MED26: variants seen among roughly 807,000 people sequenced by gnomAD.
The protein encoded by MED26 is mediator of RNA polymerase II transcription subunit 26.
MED26 carries 7 observed loss-of-function variants against 43.7 expected under a neutral mutation model. The observed-to-expected ratio is 0.16, with a 90% CI of 0.09 to 0.30. The LOEUF is 0.30. Among genes scored for constraint, MED26 ranks in the 10% least tolerant of loss-of-function variants. The pLI is 1.00. For synonymous variants in MED26, 375 were observed against 371.1 expected (o/e 1.01, Z -0.12); for missense variants, 784 against 840.6 (o/e 0.93, Z 0.83).
At chr19:16,595,811 T>C (rs1449991535) in intron 1 of MED26, among the ~76,000 whole-genome samples, 2 of 152,238 alleles carry the variant, frequency 1.3e-5, no homozygotes, top group Non-Finnish European at 2.9e-5. Flanking sequence ...TCTATTAATG[T>C]ATCATAATTC....
intron 2 of MED26, 41 bp downstream of exon 2, chr19:16,578,294 C>A: frequency 4.4e-6 from 7 of 1,582,786 alleles, no homozygotes; most frequent in Non-Finnish European, 6.1e-6. Context: ...TCCCCTGCCC[C>A]CCGTTCTGCC....
At chr19:16,606,092 C>T (rs114826815) in intron 1 of MED26, among the ~76,000 whole-genome samples, 3,676 of 152,310 alleles carry the variant, frequency 0.024, 54 homozygotes, top group Middle Eastern at 0.044. Context: ...AGCTCTACCT[C>T]GCCCTTAGCG....
intron 1 of MED26, among the ~76,000 whole-genome samples, chr19:16,627,224 C>T: frequency 6.6e-6 from 1 of 152,186 alleles, no homozygotes; most frequent in East Asian, 1.9e-4. Context: ...AAGGATCCCA[C>T]CCTCCCCGAG....
At chr19:16,609,941 T>TAAAAAAAAAAA (rs869040520) in intron 1 of MED26, among the ~76,000 whole-genome samples, 46 of 84,674 alleles carry the variant, frequency 5.4e-4, no homozygotes, top group African/African-American at 2.1e-3. Context: ...AAGCACTCTT[T>TAAAAAAAAAAA]AAAAAAAAAA....
At position 16,577,835 on chromosome 19, in the gene MED26, T is replaced by C; in HGVS notation, c.148-153A>G. 1 of 578,724 alleles carries C rather than the reference T, an allele frequency of 1.7e-6. No homozygotes were observed. The highest frequency in any genetic ancestry group is 2.4e-5 in the South Asian group (1 of 41,202). 35.8% of individuals were successfully genotyped at this position (578,724 alleles called of 1,614,324 possible). A position where few individuals can be genotyped will look rare whatever the true frequency, so the allele number is the denominator to read the frequency against. On this transcript the variant is annotated intron_variant, in intron 2 of 2. Transcript: ENST00000263390. The surrounding 1 kb of genome is among the most constrained non-coding windows in gnomAD (Gnocchi z 8.1). The stretch of plus-strand genomic sequence containing the variant: ...TTCCCTGACACAAAACTTCTGGGGA[T>C]TTCCGGTCCTTTGTGACAATATAAA...
intron 1 of MED26, among the ~76,000 whole-genome samples, chr19:16,585,742 G>A (rs182125844): frequency 2.6e-4 from 39 of 152,304 alleles, no homozygotes; most frequent in African/African-American, 7.0e-4. Context: ...ACCCACCTAC[G>A]ACAGGGTGCG....
chr19:16,576,499 C>G lies in MED26; in HGVS notation c.1331G>C (p.Arg444Pro), dbSNP rs747945163. 5 of 1,614,168 alleles carry G rather than the reference C, an allele frequency of 3.1e-6. No homozygotes were observed. Among genetic ancestry groups the G allele is most frequent in the Non-Finnish European group, 4.2e-6 (5 of 1,180,048 alleles). Reference protein sequence around the residue: ...IKPLTQKEPVRADSPVHMEQQ... With the variant: ...IKPLTQKEPVPADSPVHMEQQ... ...CTCCATGTGCACAGGGCTGTCTGCC[C>G]GCACTGGCTCTTTCTGGGTCAGAGG... The change falls in exon 3 of 3, where the codon CGG (arginine) becomes CCG (proline). Residue 444 changes from arginine to proline, a missense_variant. By Grantham distance (103) the Arg-to-Pro change is moderately radical. Coordinates refer to ENST00000263390, the MANE Select transcript of MED26 (RefSeq NM_004831.5). The surrounding 1 kb of genome is among the most constrained non-coding windows in gnomAD (Gnocchi z 6.8).
chr19:16,585,910 G>A (rs892482286), intron 1 of MED26, among the ~76,000 whole-genome samples: 3 of 152,290 alleles, frequency 2.0e-5, no homozygotes, highest in Non-Finnish European at 4.4e-5. Flanking sequence ...CCTCTTCCTC[G>A]CTTTATTACA....
At chr19:16,578,771 C>T (rs573874993) in intron 1 of MED26, 9 of 230,732 alleles carry the variant, frequency 3.9e-5, no homozygotes, top group South Asian at 1.5e-4. Flanking sequence ...AGAGGAGACA[C>T]GGAAGAATTC....
Position 16,627,881 on chromosome 19 carries a change from G to C in MED26, c.63C>G (p.Pro21=). The C allele has an allele frequency of 6.7e-7, 1 of 1,498,076 alleles. No homozygotes were observed. Among genetic ancestry groups the C allele is most frequent in the Middle Eastern group, 1.8e-4 (1 of 5,442 alleles). The allele number at this position is 1,498,076 out of a possible 1,614,324, so 92.8% of individuals were successfully genotyped here. A position where few individuals can be genotyped will look rare whatever the true frequency, so the allele number is the denominator to read the frequency against. Residue 21 remains proline (P), a synonymous_variant, in exon 1 of 3, where the codon CCC becomes CCG. Coordinates refer to ENST00000263390, the MANE Select transcript of MED26 (RefSeq NM_004831.5). ...IRDRLLQAID[P]QSNIRNMVAV... The stretch of plus-strand genomic sequence containing the variant: ...CGCGGCGGGTACTTACGTTGCTCTG[G>C]GGGTCGATGGCCTGCAGCAGCCGGT...
chr19:16,623,083 GA>G (rs750307012), intron 1 of MED26, among the ~76,000 whole-genome samples: 1 of 152,106 alleles, frequency 6.6e-6, no homozygotes, highest in Non-Finnish European at 1.5e-5. Context: ...AGGGCTCTGG[GA>G]CCTCCAACCA....
At chr19:16,588,894 T>C (rs2086083420) in intron 1 of MED26, 1 of 152,270 alleles carries the variant, frequency 6.6e-6, no homozygotes, top group Non-Finnish European at 1.5e-5. Context: ...CATCAAATGC[T>C]CTCTGAGCAC....
At chr19:16,619,838 G>T (rs1249288338) in intron 1 of MED26, among the ~76,000 whole-genome samples, 2 of 152,214 alleles carry the variant, frequency 1.3e-5, no homozygotes, top group African/African-American at 4.8e-5. Context: ...CACCACCAGG[G>T]TGTGGCCTGG....
intron 1 of MED26, chr19:16,578,717 T>C: frequency 5.6e-6 from 2 of 359,728 alleles, no homozygotes; most frequent in East Asian, 6.3e-5. Flanking sequence ...GAGCTGCTCC[T>C]GATACTTAAG....
chr19:16,624,537 T>G (rs902768968), intron 1 of MED26: 1 of 152,254 alleles, frequency 6.6e-6, no homozygotes, highest in Non-Finnish European at 1.5e-5. Context: ...TAGCAAGCCC[T>G]GCCCTGTGCG....
chr19:16,603,222 G>T lies in MED26; in HGVS notation c.72+24650C>A, dbSNP rs1353488899. Among the ~76,000 whole-genome samples the T allele has an allele frequency of 2.0e-5, 3 of 152,190 alleles. 1 individual carries two copies. The highest frequency in any genetic ancestry group is 7.2e-5 in the African/African-American group (3 of 41,438). On this transcript the variant is annotated intron_variant, in intron 1 of 2. Transcript: ENST00000263390. ...CCAAAGAAGAGAGGGGCTGGGCTTG[G>T]AACTGAGACCAGGAAAACCTCCTGA...
At chr19:16,604,047 C>G (rs1011581509) in intron 1 of MED26, among the ~76,000 whole-genome samples, 2 of 152,370 alleles carry the variant, frequency 1.3e-5, no homozygotes, top group Admixed American at 1.3e-4. Flanking sequence ...ACATGAATAT[C>G]TGCAAAACAC....
intron 1 of MED26, chr19:16,578,784 C>T (rs1184256421): frequency 2.3e-5 from 5 of 216,916 alleles, no homozygotes; most frequent in Non-Finnish European, 2.7e-5. Context: ...AAGAATTCAT[C>T]GAATAAAATC....
intron 1 of MED26, among the ~76,000 whole-genome samples, chr19:16,620,863 T>C (rs1276480248): frequency 1.3e-5 from 2 of 152,016 alleles, no homozygotes; most frequent in Non-Finnish European, 2.9e-5. Context: ...GGATTAGGAG[T>C]AGGTTCTGTC....
Sources: gnomAD v4.1 joint callset for allele counts (sites outside exome capture counted in the v4.1 genomes callset) on GRCh38, gnomAD v4.1.1 for gene constraint, Gnocchi (gnomAD v3.1) non-coding constraint, MANE v1.5 for transcripts, NCBI Gene and HGNC (gene_info 2026-07-23, HGNC 2026-07-21) for gene names.